CHODL: variants seen among roughly 807,000 people sequenced by gnomAD.
CHODL encodes transmembrane protein MT75.
CHODL carries 29 observed loss-of-function variants against 34.5 expected under a neutral mutation model. The observed-to-expected ratio is 0.84, with a 90% CI of 0.63 to 1.15. CHODL has a LOEUF of 1.15. CHODL is among the 50% of genes most tolerant of loss of function. CHODL has a pLI of 0.00. For missense variants in CHODL, 332 were observed against 332.5 expected, an observed-to-expected ratio of 1.00 and a Z score of 0.01; for synonymous variants, 125 against 116.1, an observed-to-expected ratio of 1.08 and a Z score of -0.49.
intron 2 of CHODL, among the ~76,000 whole-genome samples, chr21:18,195,067 ATTTT>A (rs1555881465): frequency 4.1e-5 from 5 of 122,682 alleles, no homozygotes; most frequent in Non-Finnish European, 9.0e-5. Context: ...TTATTTATTT[ATTTT>A]TGACATGGAG....
chr21:18,250,738 G>C (rs1250623275), intron 1 of CHODL, among the ~76,000 whole-genome samples: 1 of 151,896 alleles, frequency 6.6e-6, no homozygotes, highest in Non-Finnish European at 1.5e-5. Flanking sequence ...GTGTGATTGT[G>C]AGGGGGGTAA....
intron 2 of CHODL, among the ~76,000 whole-genome samples, chr21:18,095,877 A>T (rs1057458219): frequency 2.0e-5 from 3 of 152,222 alleles, no homozygotes; most frequent in Admixed American, 2.0e-4. Context: ...GTAATATATC[A>T]TCTCAAGAGA....
chr21:18,015,264 G>A (rs1244491164), intron 1 of CHODL, among the ~76,000 whole-genome samples: 1 of 152,140 alleles, frequency 6.6e-6, no homozygotes, highest in Non-Finnish European at 1.5e-5. Flanking sequence ...GAGTTCTCAG[G>A]AGATCTGGTT....
At chr21:17,989,567 G>T (rs138025814) in intron 1 of CHODL, among the ~76,000 whole-genome samples, 166 of 152,174 alleles carry the variant, frequency 1.1e-3, no homozygotes, top group Non-Finnish European at 1.8e-3. Context: ...CTTAATATCA[G>T]AATAACCAAA....
intron 1 of CHODL, among the ~76,000 whole-genome samples, chr21:17,964,720 G>A (rs914726687): frequency 2.6e-5 from 4 of 152,098 alleles, no homozygotes; most frequent in African/African-American, 9.7e-5. Flanking sequence ...ACTTTACTTT[G>A]TGATCTAACA....
chr21:18,098,557 T>C (rs2065169748), intron 2 of CHODL, among the ~76,000 whole-genome samples: 1 of 152,094 alleles, frequency 6.6e-6, no homozygotes, highest in Non-Finnish European at 1.5e-5. Context: ...TAGCTTTTAT[T>C]CAAAATTTAG....
intron 1 of CHODL, among the ~76,000 whole-genome samples, chr21:17,951,107 CGTGTGTGTGTGT>C (rs3073722): frequency 6.0e-5 from 9 of 149,018 alleles, no homozygotes; most frequent in African/African-American, 1.5e-4. Context: ...TTACTCTATA[CGTGTGTGTGTGT>C]GTGTGTGTGT....
At chr21:18,016,810 C>T (rs2064079015) in intron 1 of CHODL, among the ~76,000 whole-genome samples, 1 of 152,226 alleles carries the variant, frequency 6.6e-6, no homozygotes, top group African/African-American at 2.4e-5. Flanking sequence ...GGCAGAGCTG[C>T]CCAAGACCTT....
chr21:18,160,287 A>G (rs2073080873), intron 2 of CHODL, among the ~76,000 whole-genome samples: 1 of 152,120 alleles, frequency 6.6e-6, no homozygotes, highest in Non-Finnish European at 1.5e-5. Context: ...ACTGATCCCT[A>G]AATTATTTTG....
intron 2 of CHODL, among the ~76,000 whole-genome samples, chr21:18,058,847 TTCATTAAC>T (rs779427351): frequency 6.6e-5 from 10 of 152,186 alleles, no homozygotes; most frequent in Non-Finnish European, 1.5e-4. Context: ...CCCATAATCA[TTCATTAAC>T]TCAGAATGGG....
chr21:17,973,762 A>C (rs2063638231), intron 1 of CHODL, among the ~76,000 whole-genome samples: 1 of 150,184 alleles, frequency 6.7e-6, no homozygotes, highest in Non-Finnish European at 1.5e-5. Flanking sequence ...AAATCCACAG[A>C]CTTCTTACTA....
At chr21:17,987,106 G>A (rs986186245) in intron 1 of CHODL, among the ~76,000 whole-genome samples, 2 of 152,116 alleles carry the variant, frequency 1.3e-5, no homozygotes, top group African/African-American at 4.8e-5. Flanking sequence ...TAGAAAAATT[G>A]CACAAGGAAT....
chr21:18,094,830 G>GA (rs1158468624), intron 2 of CHODL, among the ~76,000 whole-genome samples: 3 of 150,342 alleles, frequency 2.0e-5, no homozygotes, highest in African/African-American at 7.3e-5. Context: ...ATTAGTAACA[G>GA]AAAAAAATAA....
At chr21:18,257,769 A>G (rs1158406927) in intron 3 of CHODL, among the ~76,000 whole-genome samples, 1 of 152,142 alleles carries the variant, frequency 6.6e-6, no homozygotes, top group African/African-American at 2.4e-5. Context: ...TCTTACATTG[A>G]CTTGAGCTAT....
chr21:17,923,965 T>C (rs927487372), intron 1 of CHODL, among the ~76,000 whole-genome samples: 1 of 152,176 alleles, frequency 6.6e-6, no homozygotes, highest in Non-Finnish European at 1.5e-5. Flanking sequence ...TGGAGAGTGT[T>C]GTTGACATGC....
At chr21:18,223,367 T>C (rs997555241) in intron 2 of CHODL, among the ~76,000 whole-genome samples, 8 of 152,210 alleles carry the variant, frequency 5.3e-5, no homozygotes, top group Non-Finnish European at 1.2e-4. Context: ...CAGAAGGTCA[T>C]GTCCATAGCA....
chr21:18,261,280 C>A (rs959400067), intron 4 of CHODL, among the ~76,000 whole-genome samples: 2 of 151,726 alleles, frequency 1.3e-5, no homozygotes, highest in Admixed American at 1.3e-4. Flanking sequence ...GGTTTTAAAA[C>A]CATTCAGAAC....
At chr21:17,981,420 GACTA>G (rs1418536225) in intron 1 of CHODL, among the ~76,000 whole-genome samples, 1 of 152,114 alleles carries the variant, frequency 6.6e-6, no homozygotes, top group Non-Finnish European at 1.5e-5. Context: ...ATTTCTAAGT[GACTA>G]ACCTCATTTT....
At chr21:18,145,966 TTG>T (rs2072881497) in intron 2 of CHODL, among the ~76,000 whole-genome samples, 5 of 150,536 alleles carry the variant, frequency 3.3e-5, no homozygotes, top group South Asian at 4.2e-4. Context: ...TTGTTTTTTG[TTG>T]TTGTTGTTGT....
Sources: gnomAD v4.1 joint callset for allele counts (sites outside exome capture counted in the v4.1 genomes callset) on GRCh38, gnomAD v4.1.1 for gene constraint, MANE v1.5 for transcripts, NCBI Gene and HGNC (gene_info 2026-07-23, HGNC 2026-07-21) for gene names.